The following GALNT13 variants were observed in gnomAD, a reference collection of about 807,000 sequenced individuals.
The protein encoded by GALNT13 is UDP-GalNAc:polypeptide N-acetylgalactosaminyltransferase 13.
Under a neutral mutation model 64.2 loss-of-function variants are expected in GALNT13, and 28 were observed. That is an observed-to-expected ratio of 0.44 (90% CI 0.32 to 0.60). The LOEUF (loss-of-function observed/expected upper bound fraction) is 0.60. Ranked by LOEUF, GALNT13 falls within the 20% of genes least tolerant of loss-of-function variation. The probability of loss-of-function intolerance (pLI) is 0.05; values close to 1 mark genes in which losing one functional copy is unlikely to be tolerated. For synonymous variants in GALNT13, 214 were observed against 224.6 expected (o/e 0.95, Z 0.42); for missense variants, 577 against 669.8 (o/e 0.86, Z 1.53).
intron 8 of GALNT13, among the ~76,000 whole-genome samples, chr2:154,283,317 A>G (rs1692067605): frequency 6.6e-6 from 1 of 152,098 alleles, no homozygotes; most frequent in Non-Finnish European, 1.5e-5. Flanking sequence ...AATTGAGAAA[A>G]TAACAGCTGT....
chr2:153,721,833 C>T, the GALNT13 span, among the ~76,000 whole-genome samples: 1 of 151,606 alleles, frequency 6.6e-6, no homozygotes, highest in South Asian at 2.1e-4. Context: ...TACAAAGAGA[C>T]TTAGACTCCC....
chr2:153,191,871 G>A, the GALNT13 span, among the ~76,000 whole-genome samples: 1 of 151,884 alleles, frequency 6.6e-6, no homozygotes, highest in Non-Finnish European at 1.5e-5. Context: ...AGAAGTCTCT[G>A]ATGTTTTGGT....
At chr2:153,549,686 G>T in the GALNT13 span, among the ~76,000 whole-genome samples, 1 of 152,178 alleles carries the variant, frequency 6.6e-6, no homozygotes, top group Non-Finnish European at 1.5e-5. Flanking sequence ...GCAGAGCCTA[G>T]TATAAATTGC....
At chr2:154,268,788 A>G (rs1261346326) in intron 8 of GALNT13, among the ~76,000 whole-genome samples, 1 of 152,164 alleles carries the variant, frequency 6.6e-6, no homozygotes, top group Non-Finnish European at 1.5e-5. Flanking sequence ...TGATCTGATT[A>G]TAACAGTCTA....
At chr2:153,792,069 G>A in the GALNT13 span, among the ~76,000 whole-genome samples, 1 of 151,914 alleles carries the variant, frequency 6.6e-6, no homozygotes, top group African/African-American at 2.4e-5. Flanking sequence ...TAAAATAAAA[G>A]TTAAAACATG....
intron 1 of GALNT13, among the ~76,000 whole-genome samples, chr2:153,872,760 G>T (rs1686068210): frequency 6.6e-6 from 1 of 152,036 alleles, no homozygotes; most frequent in Admixed American, 6.5e-5. Flanking sequence ...GTTTCTACTC[G>T]ACCCGACACC....
At chr2:153,778,072 C>T in the GALNT13 span, among the ~76,000 whole-genome samples, 4 of 152,182 alleles carry the variant, frequency 2.6e-5, no homozygotes, top group African/African-American at 9.6e-5. Context: ...ACTGCCCTGG[C>T]CAAACTGCCT....
the GALNT13 span, among the ~76,000 whole-genome samples, chr2:153,126,585 A>G: frequency 6.6e-6 from 1 of 152,010 alleles, no homozygotes; most frequent in Admixed American, 6.6e-5. Flanking sequence ...CCACTATGCC[A>G]CACTGCCTCT....
intron 11 of GALNT13, among the ~76,000 whole-genome samples, chr2:154,419,782 C>T (rs531534275): frequency 1.4e-4 from 21 of 152,196 alleles, no homozygotes; most frequent in African/African-American, 4.8e-4. Context: ...GGGACTATGG[C>T]ACCAACAAGG....
the GALNT13 span, among the ~76,000 whole-genome samples, chr2:153,564,765 T>G: frequency 6.6e-6 from 1 of 152,182 alleles, no homozygotes; most frequent in Non-Finnish European, 1.5e-5. Flanking sequence ...CTAGCTTGAC[T>G]CCTTGTGTCG....
At chr2:153,622,805 G>T in the GALNT13 span, among the ~76,000 whole-genome samples, 1 of 151,936 alleles carries the variant, frequency 6.6e-6, no homozygotes, top group East Asian at 1.9e-4. Context: ...ACTATGTTTT[G>T]CTTTTATCTT....
At chr2:154,135,950 G>C (rs999395464) in intron 3 of GALNT13, among the ~76,000 whole-genome samples, 2 of 152,128 alleles carry the variant, frequency 1.3e-5, no homozygotes, top group African/African-American at 4.8e-5. Context: ...TTTTTGTGGT[G>C]GGGGGTGGTG....
chr2:153,278,436 A>T, the GALNT13 span, among the ~76,000 whole-genome samples: 3 of 152,170 alleles, frequency 2.0e-5, no homozygotes, highest in Admixed American at 1.3e-4. Context: ...TCTAAGGCCA[A>T]TGTCCAGAGT....
intron 8 of GALNT13, among the ~76,000 whole-genome samples, chr2:154,284,479 A>G (rs1692144022): frequency 6.6e-6 from 1 of 151,704 alleles, no homozygotes; most frequent in South Asian, 2.1e-4. Flanking sequence ...CATTGTGCAT[A>G]TATATATATG....
Position 154,428,777 on chromosome 2 carries a change from A to AT in GALNT13, c.1396-9797dup, listed in dbSNP as rs70983722. Among the ~76,000 whole-genome samples, 599 of 139,668 alleles carry AT rather than the reference A, an allele frequency of 4.3e-3. 4 individuals are homozygous for AT. Among genetic ancestry groups the AT allele is most frequent in the East Asian group, 0.013 (60 of 4,744 alleles). 91.6% of individuals were successfully genotyped at this position (139,668 alleles called of 152,430 possible). A position where few individuals can be genotyped will look rare whatever the true frequency, so the allele number is the denominator to read the frequency against. On this transcript the variant is annotated intron_variant, in intron 11 of 12. Coordinates refer to ENST00000392825, the MANE Select transcript of GALNT13 (RefSeq NM_052917.4). ...CTGTTGTGATGATCTATGATCAGTGATTTTTTTTTTTTTTTTTTATTTGAG... is the reference window on the plus strand; with the variant it reads ...CTGTTGTGATGATCTATGATCAGTGATTTTTTTTTTTTTTTTTTTATTTGAG...
the GALNT13 span, among the ~76,000 whole-genome samples, chr2:153,390,867 G>A: frequency 1.3e-5 from 2 of 151,906 alleles, no homozygotes; most frequent in African/African-American, 2.4e-5. Flanking sequence ...GAAGATGGGG[G>A]GAAGATGATA....
chr2:153,181,387 ATCT>A, the GALNT13 span, among the ~76,000 whole-genome samples: 36 of 151,030 alleles, frequency 2.4e-4, no homozygotes, highest in Admixed American at 4.0e-4. Flanking sequence ...TATAATTTAA[ATCT>A]TCTTAAATTT....
chr2:153,738,610 T>C, the GALNT13 span, among the ~76,000 whole-genome samples: 51 of 152,112 alleles, frequency 3.4e-4, no homozygotes, highest in African/African-American at 1.1e-3. Context: ...AATTGTAGTA[T>C]GTATATGTTA....
intron 9 of GALNT13, among the ~76,000 whole-genome samples, chr2:154,319,969 C>CAT (rs1196889641): frequency 6.6e-6 from 1 of 152,024 alleles, no homozygotes; most frequent in Non-Finnish European, 1.5e-5. Context: ...TAAGTGCTGA[C>CAT]ATATATATAC....
Sources: allele counts gnomAD v4.1 joint callset (sites outside exome capture counted in the v4.1 genomes callset), GRCh38; gene constraint gnomAD v4.1.1; transcripts MANE v1.5; gene names NCBI Gene and HGNC (gene_info 2026-07-23, HGNC 2026-07-21).